Variants in PHACTR1 observed in about 807,000 individuals in gnomAD.
The protein encoded by PHACTR1 is RPEL repeat containing 1.
Under a neutral mutation model 69.2 loss-of-function variants are expected in PHACTR1, and 16 were observed. That is an observed-to-expected ratio of 0.23 (90% CI 0.16 to 0.35). The LOEUF (loss-of-function observed/expected upper bound fraction) is 0.35, where lower values mean the gene tolerates loss of function less well. Among genes scored for constraint, PHACTR1 ranks in the 10% least tolerant of loss-of-function variants. The pLI, the probability that PHACTR1 is intolerant of heterozygous loss-of-function variation, is 1.00. For missense variants in PHACTR1, 510 were observed against 734.7 expected (o/e 0.69, Z 3.54); for synonymous variants, 312 against 284.5 (o/e 1.10, Z -0.97).
At chr6:12,833,013 A>G (rs1427192278) in intron 4 of PHACTR1, among the ~76,000 whole-genome samples, 2 of 152,114 alleles carry the variant, frequency 1.3e-5, no homozygotes, top group Non-Finnish European at 2.9e-5. Flanking sequence ...TTGGTGAGGT[A>G]GATAGAATAT....
chr6:13,059,097 C>T (rs1435594679), intron 5 of PHACTR1, among the ~76,000 whole-genome samples: 1 of 152,066 alleles, frequency 6.6e-6, no homozygotes, highest in Non-Finnish European at 1.5e-5. Flanking sequence ...TTGCCTTTGG[C>T]ATGGAATGTT....
chr6:12,724,887 G>A (rs955671564), intron 3 of PHACTR1, among the ~76,000 whole-genome samples: 50 of 152,232 alleles, frequency 3.3e-4, no homozygotes, highest in African/African-American at 1.2e-3. Flanking sequence ...TTAAAAGGCA[G>A]CCAAATGACA....
chr6:12,800,842 T>G (rs1230502312), intron 4 of PHACTR1, among the ~76,000 whole-genome samples: 3 of 151,650 alleles, frequency 2.0e-5, no homozygotes, highest in Non-Finnish European at 4.4e-5. Context: ...TGAGCCCTGA[T>G]CCTGCCACTG....
chr6:13,140,765 AG>A (rs1822308862), intron 5 of PHACTR1, among the ~76,000 whole-genome samples: 1 of 152,276 alleles, frequency 6.6e-6, no homozygotes, highest in African/African-American at 2.4e-5. Flanking sequence ...TAAATGGTTA[AG>A]ATGATAAATT....
chr6:13,188,828 G>A (rs894193257), intron 7 of PHACTR1, among the ~76,000 whole-genome samples: 4 of 152,234 alleles, frequency 2.6e-5, no homozygotes, highest in Admixed American at 1.3e-4. Context: ...ACAGGGCCAG[G>A]AGTTGTTGGC....
intron 4 of PHACTR1, among the ~76,000 whole-genome samples, chr6:12,944,944 G>A (rs982699757): frequency 1.3e-5 from 2 of 151,862 alleles, no homozygotes; most frequent in Non-Finnish European, 2.9e-5. Flanking sequence ...CACCACGCCT[G>A]GCTAATTTTT....
chr6:13,142,777 A>G (rs913857510), intron 5 of PHACTR1, among the ~76,000 whole-genome samples: 1 of 152,118 alleles, frequency 6.6e-6, no homozygotes, highest in Admixed American at 6.5e-5. Context: ...TTTTTATGCC[A>G]GTACCATACT....
intron 3 of PHACTR1, among the ~76,000 whole-genome samples, chr6:12,743,870 A>G (rs908037383): frequency 9.9e-5 from 15 of 152,204 alleles, no homozygotes; most frequent in Admixed American, 3.3e-4. Flanking sequence ...TCAGCACCAC[A>G]TCGCACTTAT....
intron 5 of PHACTR1, among the ~76,000 whole-genome samples, chr6:13,109,169 T>C (rs1027963277): frequency 6.6e-6 from 1 of 152,072 alleles, no homozygotes; most frequent in Non-Finnish European, 1.5e-5. Flanking sequence ...GCATTATTAC[T>C]TTTTTTATAC....
intron 4 of PHACTR1, among the ~76,000 whole-genome samples, chr6:12,981,155 G>A (rs1795479873): frequency 1.3e-5 from 2 of 152,334 alleles, no homozygotes; most frequent in South Asian, 4.1e-4. Context: ...TAGGAAACTG[G>A]CCTTTTCAAT....
chr6:13,286,484 A>G (rs1016855064), intron 14 of PHACTR1, among the ~76,000 whole-genome samples: 1 of 152,238 alleles, frequency 6.6e-6, no homozygotes, highest in African/African-American at 2.4e-5. Context: ...CAGACTACCA[A>G]CGACCCCAAG....
intron 9 of PHACTR1, among the ~76,000 whole-genome samples, chr6:13,229,674 G>GC: frequency 6.6e-6 from 1 of 152,284 alleles, no homozygotes; most frequent in African/African-American, 2.4e-5. Context: ...TCAGGTGTCA[G>GC]CCCCTCCTCC....
chr6:13,209,733 C>T (rs868091383), intron 8 of PHACTR1, among the ~76,000 whole-genome samples: 3 of 152,204 alleles, frequency 2.0e-5, no homozygotes, highest in Non-Finnish European at 4.4e-5. Flanking sequence ...TCCAACAGGA[C>T]GTTCCCCAGG....
intron 4 of PHACTR1, among the ~76,000 whole-genome samples, chr6:12,988,360 A>G (rs138637450): frequency 5.5e-4 from 84 of 152,334 alleles, no homozygotes; most frequent in East Asian, 7.7e-4. Flanking sequence ...CTGATCACCA[A>G]TTACCATGGG....
intron 4 of PHACTR1, among the ~76,000 whole-genome samples, chr6:12,937,219 G>T (rs1048026004): frequency 6.6e-6 from 1 of 152,078 alleles, no homozygotes; most frequent in Non-Finnish European, 1.5e-5. Context: ...TAAACACGTG[G>T]TCACCTTCAG....
At chr6:12,957,255 C>CAAAA (rs35500368) in intron 4 of PHACTR1, 83 of 272,064 alleles carry the variant, frequency 3.1e-4, no homozygotes, top group Middle Eastern at 1.9e-3. Flanking sequence ...AACAAATACT[C>CAAAA]AAAAAAAAAA....
At chr6:13,261,897 C>T (rs766375740) in intron 10 of PHACTR1, among the ~76,000 whole-genome samples, 1 of 152,152 alleles carries the variant, frequency 6.6e-6, no homozygotes, top group Non-Finnish European at 1.5e-5. Flanking sequence ...CTGGAAGGAA[C>T]CAAGAAGAGA....
At chr6:13,032,214 A>T (rs868129885) in intron 4 of PHACTR1, among the ~76,000 whole-genome samples, 10 of 152,360 alleles carry the variant, frequency 6.6e-5, no homozygotes, top group African/African-American at 2.4e-4. Context: ...GAGACACATT[A>T]TATACTGAAT....
chr6:12,913,576 T>A (rs900277610), intron 4 of PHACTR1, among the ~76,000 whole-genome samples: 2 of 152,228 alleles, frequency 1.3e-5, no homozygotes, highest in African/African-American at 4.8e-5. Flanking sequence ...AGAGGTGGGA[T>A]GATTTTTCTG....
Sources: allele counts gnomAD v4.1 joint callset (sites outside exome capture counted in the v4.1 genomes callset), GRCh38; gene constraint gnomAD v4.1.1; transcripts MANE v1.5; gene names NCBI Gene and HGNC (gene_info 2026-07-23, HGNC 2026-07-21).